PROM1: variants seen among roughly 807,000 people sequenced by gnomAD.
The protein encoded by PROM1 is prominin 1.
In PROM1, 105 loss-of-function variants were observed where a neutral mutation model predicts 116.9. That is an observed-to-expected ratio of 0.90 (90% CI 0.77 to 1.06). The LOEUF is 1.06. PROM1 is among the 50% of genes least tolerant of loss of function. The pLI is 0.00. For synonymous variants in PROM1, 393 were observed against 387.0 expected, an observed-to-expected ratio of 1.02 and a Z score of -0.18; for missense variants, 1,122 against 1,045.2, an observed-to-expected ratio of 1.07 and a Z score of -1.01.
chr4:15,993,263 T>C (rs2149129732), intron 16 of PROM1, among the ~76,000 whole-genome samples: 1 of 152,304 alleles, frequency 6.6e-6, no homozygotes, highest in Admixed American at 6.5e-5. Flanking sequence ...TCTGCTCTCA[T>C]TCTGGAAACC....
chr4:16,011,647 G>C (rs1051372482), intron 11 of PROM1, among the ~76,000 whole-genome samples: 1 of 152,174 alleles, frequency 6.6e-6, no homozygotes, highest in Non-Finnish European at 1.5e-5. Context: ...TAAACACAGA[G>C]ATTAGTGAGC....
intron 23 of PROM1, among the ~76,000 whole-genome samples, chr4:15,981,773 A>G (rs1220346068): frequency 6.6e-6 from 1 of 152,208 alleles, no homozygotes; most frequent in East Asian, 1.9e-4. Context: ...GTAGATGACC[A>G]TGTTTTGTCT....
intron 5 of PROM1, 89 bp from the exon 6 acceptor site, chr4:16,025,401 G>A (rs1024512057): frequency 2.0e-6 from 3 of 1,510,396 alleles, no homozygotes; most frequent in Middle Eastern, 1.8e-4. Flanking sequence ...AGGAGTCAGG[G>A]AGGAGCCCGC....
At chr4:16,025,465 C>G (rs1423698356) in intron 5 of PROM1, among the ~76,000 whole-genome samples, 153 bp from the exon 6 acceptor site, 1 of 152,188 alleles carries the variant, frequency 6.6e-6, no homozygotes, top group Admixed American at 6.5e-5. Flanking sequence ...TCCTTCCCAC[C>G]GCCATCCCAC....
At chr4:16,048,403 G>C (rs754965218) in intron 2 of PROM1, among the ~76,000 whole-genome samples, 3 of 152,120 alleles carry the variant, frequency 2.0e-5, no homozygotes, top group African/African-American at 7.2e-5. Flanking sequence ...GAGCACTTTC[G>C]TTAAACCCTT....
In PROM1 at chr4:15,994,082, G is replaced by A; in HGVS notation, c.1683-11C>T. ...TTTTTTTTGCAGTCACTGTGGGAAT[G>A]AACAGAGAAATTAGGACCTAGAAAA... On this transcript the variant is annotated splice_polypyrimidine_tract_variant and intron_variant, in intron 15 of 27. Transcript: ENST00000447510. The A allele has an allele frequency of 6.2e-7, 1 of 1,613,690 alleles. No individual in the cohort carries two copies. The highest frequency in any genetic ancestry group is 8.5e-7 in the Non-Finnish European group (1 of 1,179,778).
At position 15,986,214 on chromosome 4, in the gene PROM1, A is replaced by G. The variant is rs555955319; in HGVS notation, c.2131-177T>C. 2.6e-5 allele frequency among the ~76,000 whole-genome samples: 4 copies of G among 152,322 alleles called. No homozygotes were observed. In the East Asian group the frequency reaches 7.7e-4, roughly 29 times the overall value. On this transcript the variant is annotated intron_variant, in intron 20 of 27. Coordinates refer to ENST00000447510, the MANE Select transcript of PROM1 (RefSeq NM_006017.3). ...TGAGGGCAGGGAAGGAGATGAGCTG[A>G]AAGTGAGCATTTACTCTAGCCCAGA...
intron 3 of PROM1, among the ~76,000 whole-genome samples, chr4:16,036,723 T>A (rs567547969): frequency 6.6e-6 from 1 of 152,358 alleles, no homozygotes; most frequent in East Asian, 1.9e-4. Context: ...GAGTCATTGG[T>A]GTAGGGTCTG....
At chr4:16,057,791 A>G (rs1030871139) in intron 2 of PROM1, among the ~76,000 whole-genome samples, 2 of 152,208 alleles carry the variant, frequency 1.3e-5, no homozygotes, top group Non-Finnish European at 2.9e-5. Context: ...CATAAATAAG[A>G]AGAAAGAAAA....
At chr4:16,000,456 T>C in intron 14 of PROM1, 40 bp downstream of exon 14, 2 of 1,493,000 alleles carry the variant, frequency 1.3e-6, no homozygotes, top group South Asian at 2.5e-5. Context: ...TCCAAGTTTC[T>C]GTTCAAGTCC....
chr4:16,018,164 C>T (rs757720742), intron 9 of PROM1, 159 bp downstream of exon 9: 1 of 657,428 alleles, frequency 1.5e-6, no homozygotes, highest in Non-Finnish European at 2.6e-6. Context: ...GTGGTCATTC[C>T]AATATGGTGA....
Position 15,980,371 on chromosome 4 carries a change from C to T in PROM1, c.2489+51G>A. ...CTCATCTTTAGCAACTCTTTGAAGA[C>T]AGCACCACCTAGAAAATGACCCCCA... is the stretch of plus-strand genomic sequence containing the variant. On this transcript the variant is annotated intron_variant, in intron 24 of 27. Coordinates refer to ENST00000447510, the MANE Select transcript of PROM1 (RefSeq NM_006017.3). 2.5e-6 allele frequency: 3 copies of T among 1,202,624 alleles called. No individual in the cohort carries two copies. In the South Asian group the frequency reaches 4.1e-5, roughly 16 times the overall value. The allele number at this position is 1,202,624 out of a possible 1,614,324, so 74.5% of individuals were successfully genotyped here. A position where few individuals can be genotyped will look rare whatever the true frequency, so the allele number is the denominator to read the frequency against.
At chr4:15,982,276 G>A (rs562856735) in intron 23 of PROM1, among the ~76,000 whole-genome samples, 1 of 152,296 alleles carries the variant, frequency 6.6e-6, no homozygotes, top group Admixed American at 6.5e-5. Context: ...GCTTGACCCT[G>A]CATTTCTGCT....
chr4:15,999,470 T>TA (rs55902645), intron 14 of PROM1, among the ~76,000 whole-genome samples: 3,391 of 141,376 alleles, frequency 0.024, 49 homozygotes, highest in Middle Eastern at 0.13. Flanking sequence ...GACTCCGTCT[T>TA]AAAAAAAAAA....
At chr4:15,998,113 A>G (rs773903396) in intron 15 of PROM1, among the ~76,000 whole-genome samples, 1 of 152,238 alleles carries the variant, frequency 6.6e-6, no homozygotes, top group Non-Finnish European at 1.5e-5. Flanking sequence ...GGGTCCCATT[A>G]GTGCATCGTA....
intron 26 of PROM1, among the ~76,000 whole-genome samples, chr4:15,977,592 T>C (rs1025100504): frequency 6.6e-6 from 1 of 152,142 alleles, no homozygotes; most frequent in Non-Finnish European, 1.5e-5. Flanking sequence ...CAATTTGCCA[T>C]TTCATGACTT....
intron 20 of PROM1, 23 bp downstream of exon 20, chr4:15,987,640 C>T (rs766195486): frequency 1.2e-6 from 2 of 1,603,048 alleles, no homozygotes; most frequent in Admixed American, 3.4e-5. Flanking sequence ...AACCCCATGA[C>T]AGAAAACAAA....
intron 2 of PROM1, among the ~76,000 whole-genome samples, chr4:16,060,118 C>T (rs1190496737): frequency 6.6e-6 from 1 of 152,002 alleles, no homozygotes; most frequent in Non-Finnish European, 1.5e-5. Context: ...TAAAGGGAGG[C>T]GGGGGGCTGA....
chr4:15,992,965 T>C (rs1721442749), intron 16 of PROM1, among the ~76,000 whole-genome samples: 1 of 152,174 alleles, frequency 6.6e-6, no homozygotes, highest in African/African-American at 2.4e-5. Context: ...CAGCATGGAG[T>C]GCCTGCACGT....
Sources: allele counts gnomAD v4.1 joint callset (sites outside exome capture counted in the v4.1 genomes callset), GRCh38; gene constraint gnomAD v4.1.1; transcripts MANE v1.5; gene names NCBI Gene and HGNC (gene_info 2026-07-23, HGNC 2026-07-21).